The following SPATA17 variants were observed in gnomAD, a reference collection of about 807,000 sequenced individuals.
SPATA17 encodes spermatogenesis associated 17.
Under a neutral mutation model 62.2 loss-of-function variants are expected in SPATA17, and 53 were observed. That is an observed-to-expected ratio of 0.85 (90% CI 0.68 to 1.07). The LOEUF (loss-of-function observed/expected upper bound fraction) is 1.07, where lower values mean the gene tolerates loss of function less well. Among genes scored for constraint, SPATA17 ranks in the 50% least tolerant of loss-of-function variants. The pLI is 0.00. For missense variants in SPATA17, 466 were observed against 425.5 expected (o/e 1.10, Z -0.84); for synonymous variants, 146 against 146.8 (o/e 0.99, Z 0.04).
chr1:217,865,683 T>G (rs1434684342), intron 10 of SPATA17, among the ~76,000 whole-genome samples: 1 of 152,190 alleles, frequency 6.6e-6, no homozygotes, highest in Non-Finnish European at 1.5e-5. Context: ...TAAACATTGT[T>G]GTGGAGAAAA....
At chr1:217,677,572 C>T (rs1053263251) in intron 4 of SPATA17, among the ~76,000 whole-genome samples, 2 of 151,772 alleles carry the variant, frequency 1.3e-5, no homozygotes, top group Non-Finnish European at 2.9e-5. Context: ...TTTATTCATA[C>T]AAAAAAGGGT....
In SPATA17 at chr1:217,658,275, T is replaced by G. The variant is rs148358693; in HGVS notation, c.240+7097T>G. 1.3e-3 allele frequency among the ~76,000 whole-genome samples: 196 copies of G among 152,234 alleles called. 2 individuals carry two copies. Among genetic ancestry groups the G allele is most frequent in the African/African-American group, 4.5e-3 (187 of 41,546 alleles). On this transcript the variant is annotated intron_variant, in intron 3 of 10. Transcript: ENST00000366933. ...CCACAGTAATGAGTGAGTTCTCGTGTTAATTCATATGAGAGCTGATTGTTT... is the reference window on the plus strand; with the variant it reads ...CCACAGTAATGAGTGAGTTCTCGTGGTAATTCATATGAGAGCTGATTGTTT...
At chr1:217,767,691 T>C (rs1324455375) in intron 6 of SPATA17, among the ~76,000 whole-genome samples, 1 of 152,200 alleles carries the variant, frequency 6.6e-6, no homozygotes, top group Non-Finnish European at 1.5e-5. Flanking sequence ...GCTACAGTGT[T>C]GGTTCTTTAA....
At chr1:217,673,611 C>T (rs1021128882) in intron 4 of SPATA17, among the ~76,000 whole-genome samples, 1 of 152,124 alleles carries the variant, frequency 6.6e-6, no homozygotes, top group African/African-American at 2.4e-5. Context: ...GATTCAGTTG[C>T]ACAAGTCATT....
chr1:217,694,647 T>C (rs1470399998), intron 5 of SPATA17, among the ~76,000 whole-genome samples: 1 of 150,326 alleles, frequency 6.7e-6, no homozygotes, highest in Non-Finnish European at 1.5e-5. Context: ...TTCCTTTCCA[T>C]GTTTAGCGCT....
intron 9 of SPATA17, among the ~76,000 whole-genome samples, chr1:217,812,441 A>T (rs748926249): frequency 5.9e-5 from 9 of 152,192 alleles, no homozygotes; most frequent in Admixed American, 3.9e-4. Context: ...AGTAGCATAT[A>T]TATAATTTTT....
rs755382657 is a variant in SPATA17 at position 217,862,906 on chromosome 1, TAA to T, written c.*2+55_*2+56del. The T allele has an allele frequency of 4.1e-6, 5 of 1,227,604 alleles. No homozygotes were observed. The Admixed American group carries it at 8.3e-5, about 20-fold the overall frequency. 76.0% of individuals were successfully genotyped at this position (1,227,604 alleles called of 1,614,324 possible). On this transcript the variant is annotated intron_variant, in intron 10 of 10. Coordinates refer to ENST00000366933, the MANE Select transcript of SPATA17 (RefSeq NM_138796.4). ...TTCAAAAAGTATATTAAATAACACT[TAA>T]AAAATCAAATGGGGTTGACTTAACT...
intron 10 of SPATA17, among the ~76,000 whole-genome samples, chr1:217,866,246 G>C (rs1048841481): frequency 6.6e-6 from 1 of 152,154 alleles, no homozygotes; most frequent in Non-Finnish European, 1.5e-5. Context: ...TTTTGGCATA[G>C]TGAATTGGCA....
intron 5 of SPATA17, among the ~76,000 whole-genome samples, chr1:217,707,000 G>A (rs957774412): frequency 6.6e-6 from 1 of 151,844 alleles, no homozygotes; most frequent in Admixed American, 6.6e-5. Context: ...CCAAATAGCT[G>A]GGACTACAAG....
chr1:217,772,281 C>T (rs1369502530), intron 6 of SPATA17, among the ~76,000 whole-genome samples: 3 of 152,104 alleles, frequency 2.0e-5, no homozygotes, highest in African/African-American at 7.2e-5. Flanking sequence ...GTTAACATGA[C>T]ATTAAAAATG....
chr1:217,796,344 AT>A (rs1674151212), intron 8 of SPATA17, among the ~76,000 whole-genome samples: 1 of 152,156 alleles, frequency 6.6e-6, no homozygotes, highest in Admixed American at 6.5e-5. Context: ...ATGTAATGAA[AT>A]TACTGAGCCA....
At chr1:217,859,443 T>G (rs1175143991) in intron 9 of SPATA17, among the ~76,000 whole-genome samples, 1 of 152,020 alleles carries the variant, frequency 6.6e-6, no homozygotes, top group Non-Finnish European at 1.5e-5. Context: ...CGAGGAACTC[T>G]GTCATCCATC....
In SPATA17 at chr1:217,802,613, G is replaced by T. The variant is rs1674340582; in HGVS notation, c.1005+763G>T. On this transcript the variant is annotated intron_variant, in intron 9 of 10. Transcript: ENST00000366933. ...AGCAGGCTGTCTTGTATCTCTCCCT[G>T]TAAGGGCACTAATCCCAAGGGACCA... Among the ~76,000 whole-genome samples the T allele has an allele frequency of 2.6e-5, 4 of 152,012 alleles. No homozygotes were observed. In the South Asian group the frequency reaches 8.3e-4, roughly 32 times the overall value.
At chr1:217,637,357 G>A (rs1669964623) in intron 1 of SPATA17, among the ~76,000 whole-genome samples, 1 of 151,976 alleles carries the variant, frequency 6.6e-6, no homozygotes, top group African/African-American at 2.4e-5. Context: ...CTGGGAGAGG[G>A]GGATCTTTAA....
intron 6 of SPATA17, among the ~76,000 whole-genome samples, chr1:217,744,462 C>CAAAAAA (rs766645844): frequency 4.9e-4 from 15 of 30,602 alleles, no homozygotes; most frequent in South Asian, 1.7e-3. Flanking sequence ...GACTCCGTCT[C>CAAAAAA]AAAAAAAAAA....
rs1673543568 is a variant in SPATA17, at chr1:217,774,585, AT to A, written c.723+54del. On this transcript the variant is annotated intron_variant, in intron 7 of 10. Coordinates refer to ENST00000366933, the MANE Select transcript of SPATA17 (RefSeq NM_138796.4). ...TTCTGTCATTAATTTTATTCTTGCT[AT>A]TTTTTGCACTTTTTATATAACACTA... 2.6e-6 allele frequency: 4 copies of A among 1,541,460 alleles called. No homozygotes were observed. In the African/African-American group the frequency reaches 4.1e-5, roughly 16 times the overall value.
chr1:217,768,605 C>T (rs958082055), intron 6 of SPATA17, among the ~76,000 whole-genome samples: 4 of 151,780 alleles, frequency 2.6e-5, no homozygotes. Context: ...AATTCTCCTG[C>T]CTCAGCCTCC....
chr1:217,742,242 T>C (rs2102948383), intron 6 of SPATA17, 144 bp downstream of exon 6: 3 of 1,044,344 alleles, frequency 2.9e-6, no homozygotes, highest in East Asian at 4.8e-5. Context: ...TGCTTCTGTG[T>C]AGGTGCGCGC....
chr1:217,810,937 T>C (rs180746215), intron 9 of SPATA17, among the ~76,000 whole-genome samples: 2 of 152,174 alleles, frequency 1.3e-5, no homozygotes, highest in Admixed American at 1.3e-4. Flanking sequence ...CCTTGACACA[T>C]GGGGATTAAA....
Sources: allele counts gnomAD v4.1 joint callset (sites outside exome capture counted in the v4.1 genomes callset), GRCh38; gene constraint gnomAD v4.1.1; transcripts MANE v1.5; gene names NCBI Gene and HGNC (gene_info 2026-07-23, HGNC 2026-07-21).